Variants in FAM174A observed in about 807,000 individuals in gnomAD.
FAM174A encodes the protein membrane protein FAM174A.
A neutral mutation model predicts 14.3 loss-of-function variants in FAM174A; 14 were observed. The observed-to-expected ratio is 0.98, with a 90% CI of 0.65 to 1.53. The LOEUF is 1.53. Ranked by LOEUF, FAM174A falls within the 40% of genes most tolerant of loss-of-function variation. The pLI is 0.00. For missense variants in FAM174A, 241 were observed against 249.6 expected (o/e 0.97, Z 0.23); for synonymous variants, 108 against 111.4 (o/e 0.97, Z 0.19).
rs189626263 is a variant in FAM174A at position 100,543,212 on chromosome 5, G to T, written c.434+7248G>T. Among the ~76,000 whole-genome samples the T allele has an allele frequency of 3.2e-3, 480 of 152,222 alleles. 2 individuals carry two copies. The highest frequency in any genetic ancestry group is 0.011 in the African/African-American group (456 of 41,546). ...AGCTCACTGCAACCTCTGCCTCCCGGGCTCAAGCCATCCTCCCACCTCAGC... is the reference window on the plus strand; with the variant it reads ...AGCTCACTGCAACCTCTGCCTCCCGTGCTCAAGCCATCCTCCCACCTCAGC... On this transcript the variant is annotated intron_variant, in intron 1 of 2. Transcript: ENST00000312637.
At chr5:100,565,791 G>C (rs1372468791) in intron 2 of FAM174A, among the ~76,000 whole-genome samples, 1 of 151,610 alleles carries the variant, frequency 6.6e-6, no homozygotes, top group Admixed American at 6.6e-5. Flanking sequence ...AGAAATATCG[G>C]AGACTGGGTA....
intron 2 of FAM174A, among the ~76,000 whole-genome samples, chr5:100,584,372 T>A (rs1173765999): frequency 1.3e-5 from 2 of 152,196 alleles, no homozygotes. Context: ...CACTTTAATC[T>A]GTATTAAAAA....
chr5:100,549,818 C>T (rs1473402445), intron 1 of FAM174A, among the ~76,000 whole-genome samples: 1 of 152,024 alleles, frequency 6.6e-6, no homozygotes, highest in African/African-American at 2.4e-5. Flanking sequence ...CTACAATAAT[C>T]TGCGAACTTC....
At position 100,535,418 on chromosome 5, in the gene FAM174A, C is replaced by G; in HGVS notation, c.-113C>G. The G allele has an allele frequency of 8.5e-7, 1 of 1,176,838 alleles. No homozygotes were observed. Among genetic ancestry groups the G allele is most frequent in the Non-Finnish European group, 1.2e-6 (1 of 824,380 alleles). The allele number at this position is 1,176,838 out of a possible 1,614,324, so 72.9% of individuals were successfully genotyped here. A position where few individuals can be genotyped will look rare whatever the true frequency, so the allele number is the denominator to read the frequency against. On this transcript the variant is annotated 5_prime_UTR_variant, in exon 1 of 3. Coordinates refer to ENST00000312637, the MANE Select transcript of FAM174A (RefSeq NM_198507.3). Reference sequence around the variant, plus strand: ...TCTGCCACCTGCCACGACCGGGCCTCTCCCTGGCGTTTGGTCACCTCTGCT... The same window carrying G: ...TCTGCCACCTGCCACGACCGGGCCTGTCCCTGGCGTTTGGTCACCTCTGCT...
At chr5:100,570,192 A>AT (rs1746751597) in intron 2 of FAM174A, among the ~76,000 whole-genome samples, 1 of 151,816 alleles carries the variant, frequency 6.6e-6, no homozygotes, top group Non-Finnish European at 1.5e-5. Flanking sequence ...ACATAACAGC[A>AT]TTTTTAAAGA....
intron 2 of FAM174A, among the ~76,000 whole-genome samples, chr5:100,569,536 G>A (rs1409712768): frequency 6.6e-6 from 1 of 151,840 alleles, no homozygotes. Context: ...ATAACTCTGT[G>A]CAAATGTGTT....
intron 2 of FAM174A, among the ~76,000 whole-genome samples, chr5:100,580,511 A>G (rs1054550510): frequency 6.6e-6 from 1 of 152,236 alleles, no homozygotes; most frequent in African/African-American, 2.4e-5. Flanking sequence ...AGCATCCAGC[A>G]CAGGAGAAAG....
chr5:100,585,042 A>C (rs1747100146), intron 2 of FAM174A, among the ~76,000 whole-genome samples: 1 of 152,196 alleles, frequency 6.6e-6, no homozygotes, highest in Non-Finnish European at 1.5e-5. Flanking sequence ...CTTTTACTGC[A>C]ATACACAATT....
At chr5:100,539,070 C>A (rs1191048506) in intron 1 of FAM174A, among the ~76,000 whole-genome samples, 2 of 151,852 alleles carry the variant, frequency 1.3e-5, no homozygotes, top group African/African-American at 4.8e-5. Flanking sequence ...AAAAGTTTAA[C>A]CCTCTACTTT....
intron 2 of FAM174A, among the ~76,000 whole-genome samples, chr5:100,567,305 C>T (rs2112391091): frequency 6.6e-6 from 1 of 151,674 alleles, no homozygotes; most frequent in East Asian, 1.9e-4. Context: ...AATGATGTAG[C>T]AGCTATCTAT....
At chr5:100,561,905 C>A (rs1444885457) in intron 1 of FAM174A, 149 bp from the exon 2 acceptor site, 3 of 442,460 alleles carry the variant, frequency 6.8e-6, no homozygotes, top group African/African-American at 6.2e-5. Context: ...GAAGTTTAAT[C>A]CTAGGTGGTA....
chr5:100,546,470 G>A (rs367880519), intron 1 of FAM174A, among the ~76,000 whole-genome samples: 27 of 152,130 alleles, frequency 1.8e-4, no homozygotes, highest in East Asian at 1.2e-3. Context: ...CATATTGCTG[G>A]AAGAGTGCCC....
At chr5:100,586,069 A>C in intron 2 of FAM174A, 112 bp from the exon 3 acceptor site, 4 of 471,506 alleles carry the variant, frequency 8.5e-6, no homozygotes, top group Non-Finnish European at 1.6e-5. Context: ...TTTTAAGACT[A>C]AGTACTTTTA....
At chr5:100,571,162 A>ATG (rs748665844) in intron 2 of FAM174A, among the ~76,000 whole-genome samples, 2 of 151,082 alleles carry the variant, frequency 1.3e-5, no homozygotes, top group African/African-American at 2.4e-5. Flanking sequence ...GTATATATAT[A>ATG]TGTGTGTGTG....
At chr5:100,575,179 A>G (rs1023506076) in intron 2 of FAM174A, among the ~76,000 whole-genome samples, 3 of 152,124 alleles carry the variant, frequency 2.0e-5, no homozygotes, top group African/African-American at 7.2e-5. Context: ...AATAAAGCAT[A>G]TAAGTAGAAT....
intron 2 of FAM174A, among the ~76,000 whole-genome samples, chr5:100,584,864 A>G (rs1018529690): frequency 6.6e-6 from 1 of 152,130 alleles, no homozygotes; most frequent in African/African-American, 2.4e-5. Flanking sequence ...ATACATATCA[A>G]GCAATCCAAC....
chr5:100,554,697 G>A (rs1002914698), intron 1 of FAM174A, among the ~76,000 whole-genome samples: 1 of 152,082 alleles, frequency 6.6e-6, no homozygotes, highest in African/African-American at 2.4e-5. Context: ...TAAATCAGAG[G>A]TTAGCAAAGT....
At chr5:100,546,300 A>ATTTG (rs1423932336) in intron 1 of FAM174A, among the ~76,000 whole-genome samples, 4 of 152,186 alleles carry the variant, frequency 2.6e-5, no homozygotes, top group Non-Finnish European at 4.4e-5. Flanking sequence ...CTTAACCTAG[A>ATTTG]AAAGGCACAG....
At chr5:100,564,563 T>G (rs1328370138) in intron 2 of FAM174A, among the ~76,000 whole-genome samples, 2 of 151,366 alleles carry the variant, frequency 1.3e-5, no homozygotes, top group African/African-American at 4.9e-5. Flanking sequence ...TAAATAGAGT[T>G]GAAAAAGACA....
Sources: allele counts gnomAD v4.1 joint callset (sites outside exome capture counted in the v4.1 genomes callset), GRCh38; gene constraint gnomAD v4.1.1; transcripts MANE v1.5; gene names NCBI Gene and HGNC (gene_info 2026-07-23, HGNC 2026-07-21).